Variants in PCDHGB5 observed in about 807,000 individuals in gnomAD.
PCDHGB5 encodes the protein protocadherin gamma-B5.
In PCDHGB5, 48 loss-of-function variants were observed where a neutral mutation model predicts 62.9. That is an observed-to-expected ratio of 0.76 (90% confidence interval 0.61 to 0.97). The LOEUF is 0.97. PCDHGB5 is among the 50% of genes least tolerant of loss of function. The pLI, the probability that PCDHGB5 is intolerant of heterozygous loss-of-function variation, is 0.00. For synonymous variants in PCDHGB5, 474 were observed against 511.2 expected, an observed-to-expected ratio of 0.93 and a Z score of 0.98; for missense variants, 1,118 against 1,198.6, an observed-to-expected ratio of 0.93 and a Z score of 0.99.
intron 1 of PCDHGB5, chr5:141,410,304 T>C (rs1232480024): frequency 6.2e-7 from 1 of 1,614,024 alleles, no homozygotes; most frequent in Non-Finnish European, 8.5e-7. Context: ...TTAATCTCAG[T>C]GCTCTTCCTC....
intron 2 of PCDHGB5, among the ~76,000 whole-genome samples, chr5:141,498,944 A>G (rs1249475504): frequency 7.2e-6 from 1 of 139,096 alleles, no homozygotes; most frequent in Non-Finnish European, 1.6e-5. Flanking sequence ...AAAGAAAGAA[A>G]GAAAAAGAGA....
intron 1 of PCDHGB5, chr5:141,423,750 TGG>T (rs144521096): frequency 3.2e-4 from 92 of 287,850 alleles, no homozygotes; most frequent in South Asian, 5.2e-4. Context: ...GAAAACTGTT[TGG>T]GGGGGGGGTG....
intron 1 of PCDHGB5, chr5:141,426,875 C>T (rs1005769074): frequency 8.8e-6 from 4 of 456,566 alleles, no homozygotes; most frequent in African/African-American, 4.0e-5. Context: ...TGGAGAAGCC[C>T]CTGGGCCAGG....
At chr5:141,474,106 A>G (rs1334111464) in intron 1 of PCDHGB5, among the ~76,000 whole-genome samples, 1 of 152,108 alleles carries the variant, frequency 6.6e-6, no homozygotes, top group African/African-American at 2.4e-5. Flanking sequence ...CAACAAAAAC[A>G]ACAACAACGA....
intron 1 of PCDHGB5, chr5:141,411,384 A>G (rs1280664726): frequency 6.6e-6 from 1 of 152,092 alleles, no homozygotes; most frequent in Non-Finnish European, 1.5e-5. Context: ...AGCCTGGGCA[A>G]TATAGGGAGA....
chr5:141,425,337 G>A (rs1327677274), intron 1 of PCDHGB5, among the ~76,000 whole-genome samples: 1 of 152,186 alleles, frequency 6.6e-6, no homozygotes. Flanking sequence ...AAAAAGGAAG[G>A]GTTGGCTTTG....
chr5:141,405,446 G>A, intron 1 of PCDHGB5: 1 of 1,338,140 alleles, frequency 7.5e-7, no homozygotes, highest in Non-Finnish European at 1.0e-6. Flanking sequence ...TTGAGACAGA[G>A]TCTTACTCTG....
intron 2 of PCDHGB5, among the ~76,000 whole-genome samples, chr5:141,502,296 G>A (rs758304596): frequency 7.9e-5 from 12 of 151,130 alleles, no homozygotes; most frequent in Non-Finnish European, 1.2e-4. Context: ...TGGTTGTCAC[G>A]TCTTTCCTCT....
chr5:141,495,041 G>A, intron 2 of PCDHGB5, 176 bp downstream of exon 2: 1 of 942,350 alleles, frequency 1.1e-6, no homozygotes, highest in Non-Finnish European at 1.3e-6. Flanking sequence ...AGGAAGAGGC[G>A]ACTGCCCTGA....
At chr5:141,452,119 TTCATATATGGC>T (rs1472213897) in intron 1 of PCDHGB5, among the ~76,000 whole-genome samples, 3 of 152,250 alleles carry the variant, frequency 2.0e-5, no homozygotes, top group African/African-American at 7.2e-5. Flanking sequence ...TTCTTATTTA[TTCATATATGGC>T]TCATGTGTTT....
At chr5:141,415,824 CT>C (rs1412807947) in intron 1 of PCDHGB5, 8 of 1,306,364 alleles carry the variant, frequency 6.1e-6, no homozygotes, top group Non-Finnish European at 7.8e-6. Flanking sequence ...TATCATAAGG[CT>C]TTGTTATGAT....
chr5:141,409,159 G>C, intron 1 of PCDHGB5: 1 of 1,614,014 alleles, frequency 6.2e-7, no homozygotes, highest in East Asian at 2.2e-5. Flanking sequence ...CCATGGAAGT[G>C]GAAGCGAAGG....
At chr5:141,422,040 C>T (rs1045003805) in intron 1 of PCDHGB5, 10 of 1,611,324 alleles carry the variant, frequency 6.2e-6, no homozygotes, top group African/African-American at 4.0e-5. Context: ...CGGATCCAGA[C>T]GAGGGAATCA....
intron 1 of PCDHGB5, among the ~76,000 whole-genome samples, chr5:141,456,843 A>G (rs2098891742): frequency 6.6e-6 from 1 of 152,030 alleles, no homozygotes. Context: ...GGCGCCTGTA[A>G]TCCCAGCTAA....
chr5:141,475,343 G>A (rs1425482944), intron 1 of PCDHGB5, among the ~76,000 whole-genome samples: 1 of 152,178 alleles, frequency 6.6e-6, no homozygotes, highest in Non-Finnish European at 1.5e-5. Flanking sequence ...ATGACATCCA[G>A]TTTTAAAAGA....
At position 141,453,908 on chromosome 5, in the gene PCDHGB5, A is replaced by T. The variant is rs1198219869; in HGVS notation, c.2398-40899A>T. On this transcript the variant is annotated intron_variant, in intron 1 of 3. Transcript: ENST00000617380. ...CCAATCACATGACTTCTTTCAAAGT[A>T]TGTCAGTGATCAGTCACTGTGTGCC... Among the ~76,000 whole-genome samples, 4 of 152,242 alleles carry T rather than the reference A, an allele frequency of 2.6e-5. No homozygotes were observed. The East Asian group carries it at 5.8e-4, about 22-fold the overall frequency.
At position 141,490,742 on chromosome 5, in the gene PCDHGB5, C is replaced by A. The variant is rs1281337347; in HGVS notation, c.2398-4065C>A. 1.2e-6 allele frequency: 2 copies of A among 1,614,062 alleles called. No homozygotes were observed. Among genetic ancestry groups the A allele is most frequent in the Non-Finnish European group, 1.7e-6 (2 of 1,180,022 alleles). On this transcript the variant is annotated intron_variant, in intron 1 of 3. Coordinates refer to ENST00000617380, the MANE Select transcript of PCDHGB5 (RefSeq NM_018925.3). This position sits in a 1 kb window ranked among gnomAD's most constrained non-coding sequence, Gnocchi z 5.4. ...ATTGTAGGAAATCAGGTTCAGGGAGCCCCAGCCTCCTCCTTTGTGTATGTC... is the reference window on the plus strand; with the variant it reads ...ATTGTAGGAAATCAGGTTCAGGGAGACCCAGCCTCCTCCTTTGTGTATGTC...
intron 1 of PCDHGB5, chr5:141,404,969 G>T (rs2094589920): frequency 6.2e-7 from 1 of 1,613,964 alleles, no homozygotes; most frequent in East Asian, 2.2e-5. Context: ...AGACATCCTG[G>T]CTGACCTGGG....
chr5:141,405,118 G>T (rs368800698), intron 1 of PCDHGB5: 1 of 1,613,946 alleles, frequency 6.2e-7, no homozygotes, highest in Non-Finnish European at 8.5e-7. Context: ...GGCACTCCTC[G>T]CATCTGCTGC....
Sources: gnomAD v4.1 joint callset for allele counts (sites outside exome capture counted in the v4.1 genomes callset) on GRCh38, gnomAD v4.1.1 for gene constraint, Gnocchi (gnomAD v3.1) non-coding constraint, MANE v1.5 for transcripts, NCBI Gene and HGNC (gene_info 2026-07-23, HGNC 2026-07-21) for gene names.